The following HECW1 variants were observed in gnomAD, a reference collection of about 807,000 sequenced individuals.
HECW1 encodes the protein E3 ubiquitin-protein ligase HECW1.
Under a neutral mutation model 182.3 loss-of-function variants are expected in HECW1, and 61 were observed. The ratio of observed to expected loss-of-function variants is 0.33; its 90% CI spans 0.27 to 0.41. The LOEUF (loss-of-function observed/expected upper bound fraction) is 0.41, where lower values mean the gene tolerates loss of function less well. Among genes scored for constraint, HECW1 ranks in the 10% least tolerant of loss-of-function variants. The probability of loss-of-function intolerance (pLI) is 1.00; values close to 1 mark genes in which losing one functional copy is unlikely to be tolerated. For missense variants in HECW1, 1,739 were observed against 2,108.9 expected, an observed-to-expected ratio of 0.82 and a Z score of 3.44; for synonymous variants, 859 against 832.6, an observed-to-expected ratio of 1.03 and a Z score of -0.55.
intron 3 of HECW1, among the ~76,000 whole-genome samples, chr7:43,289,223 C>T (rs1436155140): frequency 6.6e-6 from 1 of 152,030 alleles, no homozygotes; most frequent in Non-Finnish European, 1.5e-5. Context: ...TCTCCTGCCT[C>T]AGCCTCCCGA....
chr7:43,174,849 C>T (rs759373834), intron 2 of HECW1, among the ~76,000 whole-genome samples: 5 of 152,146 alleles, frequency 3.3e-5, no homozygotes, highest in Non-Finnish European at 5.9e-5. Flanking sequence ...AAGTAGTTGA[C>T]ATTTTGCTGT....
intron 17 of HECW1, among the ~76,000 whole-genome samples, chr7:43,488,464 GA>G (rs1448936691): frequency 6.8e-6 from 1 of 148,060 alleles, no homozygotes; most frequent in East Asian, 2.0e-4. Context: ...AAGAAAGAAA[GA>G]AAGAAAGAAA....
chr7:43,197,242 A>G (rs887563897), intron 2 of HECW1, among the ~76,000 whole-genome samples: 1 of 152,114 alleles, frequency 6.6e-6, no homozygotes, highest in Non-Finnish European at 1.5e-5. Context: ...TTTTGGGGGT[A>G]TGGGTGGGGG....
chr7:43,479,790 C>G (rs1427893720), intron 17 of HECW1, 46 bp downstream of exon 17: 1 of 1,609,252 alleles, frequency 6.2e-7, no homozygotes, highest in Non-Finnish European at 8.5e-7. Context: ...GTCACAGTCT[C>G]TGCCTCTTCC....
At chr7:43,358,818 CTTTT>C (rs572118397) in intron 5 of HECW1, among the ~76,000 whole-genome samples, 5 of 93,444 alleles carry the variant, frequency 5.4e-5, no homozygotes, top group African/African-American at 1.2e-4. Context: ...AAAATATATT[CTTTT>C]TTTTTTTTTT....
rs562327063 is a variant in HECW1 at position 43,554,290 on chromosome 7, T to A, written c.4511-302T>A. ...CTTCTACTCCTTATCTACACCTATATGAGGCAGGAACATTTTAAGTGGAGT... is the reference window on the plus strand; with the variant it reads ...CTTCTACTCCTTATCTACACCTATAAGAGGCAGGAACATTTTAAGTGGAGT... On this transcript the variant is annotated intron_variant, in intron 28 of 29. Coordinates refer to ENST00000395891, the MANE Select transcript of HECW1 (RefSeq NM_015052.5). 2.0e-5 allele frequency among the ~76,000 whole-genome samples: 3 copies of A among 152,358 alleles called. No homozygotes were observed. In the East Asian group the frequency reaches 5.8e-4, roughly 29 times the overall value.
intron 2 of HECW1, among the ~76,000 whole-genome samples, chr7:43,153,783 A>AC: frequency 6.6e-6 from 1 of 152,166 alleles, no homozygotes; most frequent in Non-Finnish European, 1.5e-5. Flanking sequence ...GGAGACAGTA[A>AC]CCCCACTTGT....
Position 43,114,220 on chromosome 7 carries a change from A to T in HECW1, c.-203A>T, listed in dbSNP as rs1322764459. 7.4e-7 allele frequency: 1 copy of T among 1,357,512 alleles called. No homozygotes were observed. Among genetic ancestry groups the T allele is most frequent in the Admixed American group, 2.3e-5 (1 of 44,426 alleles). The allele number at this position is 1,357,512 out of a possible 1,614,324, so 84.1% of individuals were successfully genotyped here. A position where few individuals can be genotyped will look rare whatever the true frequency, so the allele number is the denominator to read the frequency against. ...AGCAGCATAGTTCAAAAATTGAGGG[A>T]GGCATCTTCTCTCTTTTCCTGGGAT... On this transcript the variant is annotated 5_prime_UTR_variant, in exon 2 of 30. Coordinates refer to ENST00000395891, the MANE Select transcript of HECW1 (RefSeq NM_015052.5).
intron 2 of HECW1, among the ~76,000 whole-genome samples, chr7:43,219,871 T>G (rs1193859363): frequency 6.6e-6 from 1 of 152,142 alleles, no homozygotes; most frequent in South Asian, 2.1e-4. Context: ...AGGGGTGGTA[T>G]CCTCCCTTAC....
chr7:43,315,834 G>A (rs956294629), intron 4 of HECW1, among the ~76,000 whole-genome samples: 1 of 152,110 alleles, frequency 6.6e-6, no homozygotes, highest in African/African-American at 2.4e-5. Flanking sequence ...AGCCACAGTG[G>A]GAGAATCCTG....
At chr7:43,541,532 A>G (rs2081364066) in intron 25 of HECW1, among the ~76,000 whole-genome samples, 1 of 152,230 alleles carries the variant, frequency 6.6e-6, no homozygotes, top group Non-Finnish European at 1.5e-5. Context: ...AAATTATAAT[A>G]ATATTACAAA....
At chr7:43,484,610 TA>T (rs2078559620) in intron 17 of HECW1, 1 of 152,208 alleles carries the variant, frequency 6.6e-6, no homozygotes, top group Non-Finnish European at 1.5e-5. Flanking sequence ...TGGGTTTCTA[TA>T]TTAAGGATCC....
chr7:43,500,567 T>C (rs1396203670), intron 19 of HECW1, 132 bp from the exon 20 acceptor site: 7 of 744,490 alleles, frequency 9.4e-6, no homozygotes, highest in Admixed American at 2.2e-5. Context: ...CTTAGAATTC[T>C]GCAAAATACA....
At chr7:43,228,487 G>T (rs114245669) in intron 2 of HECW1, among the ~76,000 whole-genome samples, 1 of 152,194 alleles carries the variant, frequency 6.6e-6, no homozygotes, top group South Asian at 2.1e-4. Context: ...AAAATGTACC[G>T]TCAGGAGGTG....
chr7:43,242,540 C>T (rs1180394503), intron 2 of HECW1, among the ~76,000 whole-genome samples: 2 of 152,154 alleles, frequency 1.3e-5, no homozygotes, highest in Non-Finnish European at 2.9e-5. Flanking sequence ...CTGAGTTTTT[C>T]TTGCATGGTG....
chr7:43,433,792 C>T (rs924490408), intron 8 of HECW1, among the ~76,000 whole-genome samples: 1 of 152,206 alleles, frequency 6.6e-6, no homozygotes, highest in Admixed American at 6.5e-5. Flanking sequence ...AGGACAGTTT[C>T]ACAGCTTGTG....
chr7:43,520,361 C>T (rs1003044493), intron 24 of HECW1, among the ~76,000 whole-genome samples: 6 of 152,166 alleles, frequency 3.9e-5, no homozygotes, highest in Non-Finnish European at 5.9e-5. Context: ...CTCAGGACAG[C>T]CAAAGCACGA....
In HECW1 at chr7:43,416,426, C is replaced by A. The variant is rs1263575120; in HGVS notation, c.801+8695C>A. ...TGCGTGCTGGGAGAACCACTGCTCT[C>A]TTCAAAGCTGTCAGACAGGGACATT... On this transcript the variant is annotated intron_variant, in intron 8 of 29. Transcript: ENST00000395891. Among the ~76,000 whole-genome samples the A allele has an allele frequency of 2.0e-5, 3 of 151,158 alleles. No homozygotes were observed. The East Asian group carries it at 5.9e-4, about 30-fold the overall frequency.
intron 24 of HECW1, among the ~76,000 whole-genome samples, chr7:43,532,047 A>T (rs2081013235): frequency 6.6e-6 from 1 of 152,186 alleles, no homozygotes; most frequent in Admixed American, 6.5e-5. Flanking sequence ...ACTCAGATAT[A>T]AATAGGCAGC....
Sources: allele counts gnomAD v4.1 joint callset (sites outside exome capture counted in the v4.1 genomes callset), GRCh38; gene constraint gnomAD v4.1.1; transcripts MANE v1.5; gene names NCBI Gene and HGNC (gene_info 2026-07-23, HGNC 2026-07-21).